Variants in GDPD1 observed in about 807,000 individuals in gnomAD.
GDPD1 encodes the protein glycerophosphodiester phosphodiesterase domain containing 1.
GDPD1 carries 28 observed loss-of-function variants against 45.1 expected under a neutral mutation model. The observed-to-expected ratio is 0.62, with a 90% CI of 0.46 to 0.85. The LOEUF is 0.85. Among genes scored for constraint, GDPD1 ranks in the 40% least tolerant of loss-of-function variants. GDPD1 has a pLI of 0.00. For missense variants in GDPD1, 256 were observed against 364.8 expected, an observed-to-expected ratio of 0.70 and a Z score of 2.43; for synonymous variants, 139 against 131.4, an observed-to-expected ratio of 1.06 and a Z score of -0.40.
At chr17:59,245,379 A>T (rs1461476603) in intron 2 of GDPD1, 35 bp from the exon 3 acceptor site, 1 of 1,581,994 alleles carries the variant, frequency 6.3e-7, no homozygotes, top group South Asian at 1.1e-5. Flanking sequence ...ATGTATACTT[A>T]AGTGTCAGAT....
chr17:59,222,976 G>A (rs2047018100), intron 1 of GDPD1, among the ~76,000 whole-genome samples: 1 of 152,118 alleles, frequency 6.6e-6, no homozygotes, highest in African/African-American at 2.4e-5. Context: ...CATTGTGAAT[G>A]ATCAAAATTT....
intron 3 of GDPD1, among the ~76,000 whole-genome samples, chr17:59,247,369 T>C (rs2047220243): frequency 6.6e-6 from 1 of 152,158 alleles, no homozygotes; most frequent in African/African-American, 2.4e-5. Flanking sequence ...ACATTCTGTG[T>C]TCTGCCTATT....
chr17:59,225,383 C>T (rs1331500749), intron 1 of GDPD1, among the ~76,000 whole-genome samples: 2 of 152,130 alleles, frequency 1.3e-5, no homozygotes, highest in Non-Finnish European at 2.9e-5. Flanking sequence ...GGATTACAGG[C>T]ATGAGCCACC....
intron 2 of GDPD1, among the ~76,000 whole-genome samples, chr17:59,234,826 A>AAT: frequency 1.3e-5 from 2 of 152,274 alleles, no homozygotes; most frequent in Middle Eastern, 6.8e-3. Context: ...GTATAATGCT[A>AAT]ATTAGTCTTG....
At position 59,273,814 on chromosome 17, in the gene GDPD1, C is replaced by A. The variant is rs1388264783; in HGVS notation, c.*41C>A. Reference sequence around the variant, plus strand: ...GAAGTATTGAAGGAAAAAATGAAGACCTAAGAAAAAAATATTTCATGATCA... The same window carrying A: ...GAAGTATTGAAGGAAAAAATGAAGAACTAAGAAAAAAATATTTCATGATCA... On this transcript the variant is annotated 3_prime_UTR_variant, in exon 10 of 10. Transcript: ENST00000284116. 3 of 1,501,460 alleles carry A rather than the reference C, an allele frequency of 2.0e-6. No individual in the cohort carries two copies. The highest frequency in any genetic ancestry group is 2.4e-5 in the Admixed American group (1 of 41,866). The allele number at this position is 1,501,460 out of a possible 1,614,324, so 93.0% of individuals were successfully genotyped here. A position where few individuals can be genotyped will look rare whatever the true frequency, so the allele number is the denominator to read the frequency against.
At chr17:59,221,547 A>G (rs2147869752) in intron 1 of GDPD1, among the ~76,000 whole-genome samples, 1 of 152,080 alleles carries the variant, frequency 6.6e-6, no homozygotes, top group East Asian at 1.9e-4. Flanking sequence ...AGTATTGTTT[A>G]AAGAAAACAA....
At chr17:59,252,475 G>A (rs1329468636) in intron 4 of GDPD1, among the ~76,000 whole-genome samples, 6 of 151,786 alleles carry the variant, frequency 4.0e-5, no homozygotes, top group African/African-American at 1.5e-4. Flanking sequence ...CTGACCTCAG[G>A]TGATCCACCC....
At chr17:59,229,911 C>T (rs980700621) in intron 1 of GDPD1, among the ~76,000 whole-genome samples, 1 of 152,164 alleles carries the variant, frequency 6.6e-6, no homozygotes, top group Non-Finnish European at 1.5e-5. Flanking sequence ...ACAGCAGATT[C>T]CCCATGATGC....
Position 59,275,272 on chromosome 17 carries a change from GT to G in GDPD1, c.*1501del. 1 of 1,236,584 alleles carries G rather than the reference GT, an allele frequency of 8.1e-7. No individual in the cohort carries two copies. 76.6% of individuals were successfully genotyped at this position (1,236,584 alleles called of 1,614,324 possible). A position where few individuals can be genotyped will look rare whatever the true frequency, so the allele number is the denominator to read the frequency against. On this transcript the variant is annotated 3_prime_UTR_variant, in exon 10 of 10. Coordinates refer to ENST00000284116, the MANE Select transcript of GDPD1 (RefSeq NM_182569.4). The stretch of plus-strand genomic sequence containing the variant: ...TCAGTGATGTGTAGTTATTTGGCAA[GT>G]TATACATAATCAGCAGCAGCCAGGC...
intron 6 of GDPD1, among the ~76,000 whole-genome samples, chr17:59,262,434 C>T (rs1023438748): frequency 4.6e-5 from 7 of 152,052 alleles, no homozygotes; most frequent in African/African-American, 1.7e-4. Context: ...ACTATTGATA[C>T]ATGCAACGAA....
intron 3 of GDPD1, 91 bp from the exon 4 acceptor site, chr17:59,248,649 A>T: frequency 1.1e-6 from 1 of 900,192 alleles, no homozygotes; most frequent in Non-Finnish European, 1.8e-6. Flanking sequence ...TCTGTATGTT[A>T]AAGAAGCATA....
At chr17:59,248,850 AG>A in intron 4 of GDPD1, 65 bp downstream of exon 4, 1 of 1,207,864 alleles carries the variant, frequency 8.3e-7, no homozygotes, top group Non-Finnish European at 1.2e-6. Flanking sequence ...TTCTTGTCAT[AG>A]TAAGTTCTTA....
At chr17:59,271,769 A>T (rs1265917979) in intron 8 of GDPD1, among the ~76,000 whole-genome samples, 1 of 151,192 alleles carries the variant, frequency 6.6e-6, no homozygotes, top group Non-Finnish European at 1.5e-5. Flanking sequence ...GAGTAGCTGG[A>T]ACTATAGGTG....
At chr17:59,252,775 A>G (rs2047265668) in intron 4 of GDPD1, among the ~76,000 whole-genome samples, 1 of 151,876 alleles carries the variant, frequency 6.6e-6, no homozygotes, top group South Asian at 2.1e-4. Context: ...TGAGGCAGGA[A>G]GATCACCTGA....
chr17:59,225,135 A>G (rs1597959896), intron 1 of GDPD1, among the ~76,000 whole-genome samples: 1 of 127,364 alleles, frequency 7.9e-6, no homozygotes, highest in South Asian at 2.5e-4. Context: ...TCTGTTGCCC[A>G]GGCTGGAGTC....
chr17:59,220,903 T>A, intron 1 of GDPD1, 152 bp downstream of exon 1: 5 of 899,004 alleles, frequency 5.6e-6, no homozygotes, highest in Non-Finnish European at 8.3e-6. Context: ...GAAGGCTGTG[T>A]GAAGGGAAGG....
chr17:59,273,320 G>T (rs1266748565), intron 9 of GDPD1, among the ~76,000 whole-genome samples: 1 of 151,968 alleles, frequency 6.6e-6, no homozygotes, highest in East Asian at 1.9e-4. Flanking sequence ...TAGAGACTGG[G>T]TTTTGCCATG....
chr17:59,233,576 A>C (rs2047108987), intron 1 of GDPD1, among the ~76,000 whole-genome samples: 1 of 152,006 alleles, frequency 6.6e-6, no homozygotes. Flanking sequence ...GAGACTAAAC[A>C]CCTGCCTTTT....
At chr17:59,248,267 C>T (rs1327322200) in intron 3 of GDPD1, among the ~76,000 whole-genome samples, 2 of 150,958 alleles carry the variant, frequency 1.3e-5, no homozygotes, top group Admixed American at 6.6e-5. Flanking sequence ...CTACTGCACT[C>T]CGGCCCAGGC....
Sources: gnomAD v4.1 joint callset for allele counts (sites outside exome capture counted in the v4.1 genomes callset) on GRCh38, gnomAD v4.1.1 for gene constraint, MANE v1.5 for transcripts, NCBI Gene and HGNC (gene_info 2026-07-23, HGNC 2026-07-21) for gene names.